Variants in CEP295 observed in about 807,000 individuals in gnomAD.
CEP295 encodes the protein centrosomal protein of 295 kDa.
In CEP295, 190 loss-of-function variants were observed where a neutral mutation model predicts 291.6. The observed-to-expected ratio is 0.65, with a 90% CI of 0.58 to 0.73. The LOEUF is 0.73. Among genes scored for constraint, CEP295 ranks in the 30% least tolerant of loss-of-function variants. The probability of loss-of-function intolerance (pLI) is 0.00; values close to 1 mark genes in which losing one functional copy is unlikely to be tolerated. For synonymous variants in CEP295, 993 were observed against 1,038.8 expected (o/e 0.96, Z 0.85); for missense variants, 2,863 against 2,949.4 (o/e 0.97, Z 0.68).
intron 18 of CEP295, among the ~76,000 whole-genome samples, chr11:93,708,693 G>A (rs1952686325): frequency 6.6e-6 from 1 of 152,160 alleles, no homozygotes; most frequent in Non-Finnish European, 1.5e-5. Flanking sequence ...CGAATCATAT[G>A]GTAGTAATAT....
At position 93,708,772 on chromosome 11, in the gene CEP295, G is replaced by A. The variant is rs115283125; in HGVS notation, c.5749+1875G>A. Among the ~76,000 whole-genome samples the A allele has an allele frequency of 5.3e-4, 80 of 152,114 alleles. 1 individual carries two copies. The highest frequency in any genetic ancestry group is 6.3e-4 in the Non-Finnish European group (43 of 67,954). ...TGTACTGATTTACATTCCCACCAAC[G>A]GTGTTCCCTTCTCACCACATCTTTG... On this transcript the variant is annotated intron_variant, in intron 18 of 29. Transcript: ENST00000325212.
At position 93,673,010 on chromosome 11, in the gene CEP295, CT is replaced by C. The variant is rs372760069; in HGVS notation, c.529-2559del. Reference sequence around the variant, plus strand: ...TTAGAGACTTGTTTTCTTCAGAGTTCTTCCTTGTCAAGAAGCCTATGGTTTA... The same window carrying C: ...TTAGAGACTTGTTTTCTTCAGAGTTCTCCTTGTCAAGAAGCCTATGGTTTA... On this transcript the variant is annotated intron_variant, in intron 5 of 29. Coordinates refer to ENST00000325212, the MANE Select transcript of CEP295 (RefSeq NM_033395.2). 3.1e-4 allele frequency among the ~76,000 whole-genome samples: 47 copies of C among 152,318 alleles called. No individual in the cohort carries two copies. The South Asian group carries it at 9.7e-3, about 32-fold the overall frequency.
chr11:93,724,598 C>A lies in CEP295; in HGVS notation c.6318+223C>A, dbSNP rs531465023. 6.3e-4 allele frequency among the ~76,000 whole-genome samples: 96 copies of A among 152,086 alleles called. 1 individual carries two copies. The South Asian group carries it at 0.019, about 30-fold the overall frequency. On this transcript the variant is annotated intron_variant, in intron 22 of 29. Transcript: ENST00000325212. ...CCTGGCCAACATGGCAAAACCCTGT[C>A]TCTACTGAAAATACAAAAATTAGCC...
rs183247747 is a variant in CEP295, at chr11:93,726,503, G to A, written c.6500-473G>A. ...TAATCCTAGCACTTTGGGAAGCTGC[G>A]GCAGGAGGATCCCTGGAGCCCAGGA... On this transcript the variant is annotated intron_variant, in intron 23 of 29. Transcript: ENST00000325212. 1.6e-4 allele frequency among the ~76,000 whole-genome samples: 24 copies of A among 152,310 alleles called. 1 individual carries two copies. The highest frequency in any genetic ancestry group is 8.5e-4 in the Admixed American group (13 of 15,302).
chr11:93,721,607 T>C, intron 19 of CEP295, 195 bp downstream of exon 19: 1 of 759,738 alleles, frequency 1.3e-6, no homozygotes, highest in Non-Finnish European at 2.4e-6. Flanking sequence ...ATGCATGATC[T>C]CTACAGTTCT....
At position 93,675,618 on chromosome 11, in the gene CEP295, C is replaced by G. The variant is rs1028589348; in HGVS notation, c.576C>G (p.Thr192=). The change falls in exon 6 of 30, where the codon ACC becomes ACG. Residue 192 remains threonine, a synonymous_variant. Transcript: ENST00000325212. ...CTGCAGTCAAAACCAATAGTTCTAC[C>G]TACCATCATCTTCACACTTTTGTGA... ...RISAVKTNSS[T]YHHLHTFVNR... is the part of the protein sequence containing the mutation. 33 of 1,512,078 alleles carry G rather than the reference C, an allele frequency of 2.2e-5. No individual in the cohort carries two copies. The highest frequency in any genetic ancestry group is 2.7e-5 in the Non-Finnish European group (31 of 1,132,978). The allele number at this position is 1,512,078 out of a possible 1,614,324, so 93.7% of individuals were successfully genotyped here. A position where few individuals can be genotyped will look rare whatever the true frequency, so the allele number is the denominator to read the frequency against.
intron 1 of CEP295, among the ~76,000 whole-genome samples, chr11:93,665,090 G>A (rs1199014475): frequency 1.3e-5 from 2 of 152,150 alleles, no homozygotes; most frequent in African/African-American, 4.8e-5. Context: ...GGACAGCTTC[G>A]TAGAGGAAGG....
chr11:93,691,119 C>G (rs962743849), intron 10 of CEP295, among the ~76,000 whole-genome samples: 1 of 152,114 alleles, frequency 6.6e-6, no homozygotes, highest in Non-Finnish European at 1.5e-5. Context: ...TAAGATGGTT[C>G]TGCCACCTAC....
chr11:93,729,996 A>G, intron 28 of CEP295, 27 bp downstream of exon 28: 1 of 1,120,552 alleles, frequency 8.9e-7, no homozygotes. Flanking sequence ...TTTTTTTTTT[A>G]GTGATTCACT....
At chr11:93,685,059 GT>G (rs1382854508) in intron 9 of CEP295, among the ~76,000 whole-genome samples, 2 of 152,154 alleles carry the variant, frequency 1.3e-5, no homozygotes, top group African/African-American at 4.8e-5. Context: ...TACTAAAACT[GT>G]CTCTACCTGT....
intron 5 of CEP295, among the ~76,000 whole-genome samples, chr11:93,672,650 G>A (rs1590974361): frequency 6.6e-6 from 1 of 152,234 alleles, no homozygotes; most frequent in Admixed American, 6.5e-5. Flanking sequence ...TAGAAAGCTG[G>A]TTTTGTCCTG....
At position 93,697,269 on chromosome 11, in the gene CEP295, T is replaced by C. The variant is rs1305803291; in HGVS notation, c.2357T>C (p.Phe786Ser). ...TACCATTTAACTGAACCTTCTTCAT[T>C]TGTACCACTGGTACCTCAGCATTCT... ...ISYHLTEPSS[F>S]VPLVPQHSFS... Residue 786 changes from phenylalanine to serine, a missense_variant, in exon 15 of 30, where the codon TTT becomes TCT. By Grantham distance (155) the Phe-to-Ser change is radical. Transcript: ENST00000325212. 1.3e-6 allele frequency: 2 copies of C among 1,551,688 alleles called. No homozygotes were observed. The highest frequency in any genetic ancestry group is 1.4e-5 in the African/African-American group (1 of 73,070).
intron 9 of CEP295, among the ~76,000 whole-genome samples, chr11:93,686,268 G>A (rs548288654): frequency 6.6e-6 from 1 of 150,676 alleles, no homozygotes; most frequent in African/African-American, 2.4e-5. Context: ...GCAGTGAGCC[G>A]AAACCACACC....
chr11:93,719,391 C>T (rs926768953), intron 18 of CEP295, among the ~76,000 whole-genome samples: 15 of 151,872 alleles, frequency 9.9e-5, no homozygotes, highest in African/African-American at 2.9e-4. Flanking sequence ...CCTCAGCCTC[C>T]GAGGTAGCTA....
At chr11:93,665,986 G>C (rs1462939944) in intron 1 of CEP295, among the ~76,000 whole-genome samples, 2 of 152,154 alleles carry the variant, frequency 1.3e-5, no homozygotes, top group African/African-American at 4.8e-5. Flanking sequence ...TTATAGTTTT[G>C]AAAACATTTA....
chr11:93,728,382 AT>A, intron 24 of CEP295: 1 of 216,210 alleles, frequency 4.6e-6, no homozygotes, highest in Non-Finnish European at 9.0e-6. Context: ...CTGCATTTAT[AT>A]TTTTTGCCCA....
intron 18 of CEP295, among the ~76,000 whole-genome samples, chr11:93,712,574 T>C (rs949996576): frequency 3.3e-5 from 5 of 152,308 alleles, no homozygotes; most frequent in African/African-American, 9.6e-5. Flanking sequence ...ATTTCTGATA[T>C]AAGTATAGCT....
At chr11:93,714,230 G>A (rs1336942040) in intron 18 of CEP295, among the ~76,000 whole-genome samples, 1 of 152,018 alleles carries the variant, frequency 6.6e-6, no homozygotes, top group African/African-American at 2.4e-5. Context: ...ATTGGTACCA[G>A]GGCATTAAAG....
In CEP295 at chr11:93,697,351, C is replaced by T; in HGVS notation, c.2439C>T (p.Ala813=). 6.4e-7 allele frequency: 1 copy of T among 1,551,868 alleles called. No individual in the cohort carries two copies. Among genetic ancestry groups the T allele is most frequent in the South Asian group, 1.2e-5 (1 of 84,044 alleles). The change falls in exon 15 of 30, where the codon GCC becomes GCT. Residue 813 remains alanine (A), a synonymous_variant. Transcript: ENST00000325212. ...ESGKIQEPFS[A]MSKSTVSTSH... ...GAAAAATTCAAGAACCCTTTTCAGC[C>T]ATGAGCAAAAGTACAGTTTCCACAA...
Sources: allele counts gnomAD v4.1 joint callset (sites outside exome capture counted in the v4.1 genomes callset), GRCh38; gene constraint gnomAD v4.1.1; transcripts MANE v1.5; gene names NCBI Gene and HGNC (gene_info 2026-07-23, HGNC 2026-07-21).